Variants in CES5A observed in about 807,000 individuals in gnomAD.
CES5A encodes the protein carboxylesterase 5A.
Under a neutral mutation model 62.9 loss-of-function variants are expected in CES5A, and 67 were observed. The ratio of observed to expected loss-of-function variants is 1.07; its 90% CI spans 0.88 to 1.31. The LOEUF is 1.31. CES5A is among the 50% of genes most tolerant of loss of function. The pLI, the probability that CES5A is intolerant of heterozygous loss-of-function variation, is 0.00. For synonymous variants in CES5A, 296 were observed against 280.8 expected, an observed-to-expected ratio of 1.05 and a Z score of -0.54; for missense variants, 748 against 708.5, an observed-to-expected ratio of 1.06 and a Z score of -0.63.
At chr16:55,951,797 A>G (rs1462241522) in intron 1 of CES5A, among the ~76,000 whole-genome samples, 1 of 152,198 alleles carries the variant, frequency 6.6e-6, no homozygotes, top group African/African-American at 2.4e-5. Context: ...CAATACAGAA[A>G]GCAAAAACTG....
upstream of CES5A, among the ~76,000 whole-genome samples, chr16:55,930,173 T>A (rs1312240944): frequency 1.3e-5 from 2 of 151,718 alleles, no homozygotes; most frequent in African/African-American, 4.8e-5. Context: ...TTCCCTGACA[T>A]CCTCCCTCCT....
Position 55,856,429 on chromosome 16 carries a change from A to G in CES5A, c.1073T>C (p.Ile358Thr). 4 of 1,614,042 alleles carry G rather than the reference A, an allele frequency of 2.5e-6. No homozygotes were observed. Among genetic ancestry groups the G allele is most frequent in the Non-Finnish European group, 3.4e-6 (4 of 1,179,994 alleles). The change falls in exon 9 of 13, where the codon ATC (isoleucine) becomes ACC (threonine). Residue 358 changes from isoleucine (I) to threonine (T), a missense_variant. By Grantham distance (89) the Ile-to-Thr change is moderately conservative. Coordinates refer to ENST00000290567, the MANE Select transcript of CES5A (RefSeq NM_001143685.2). ...FLLPMKEAPE[I>T]LSGSNKSLAL... ...AAGGGACTTGTTGGAGCCACTGAGG[A>G]TCTCAGGAGCCTCCTTCTGTGGAGA...
rs189232881 is a variant in CES5A, at chr16:55,948,141, G to A, written c.160+1644C>T. ...GGTTGATTTTGCCCAGGTTGAGGAC[G>A]TGCCTGGGATAAAGAGACACAAGCC... On this transcript the variant is annotated intron_variant, in intron 2 of 13. Transcript: ENST00000521992. Among the ~76,000 whole-genome samples, 93 of 152,236 alleles carry A rather than the reference G, an allele frequency of 6.1e-4. 1 individual carries two copies. Among genetic ancestry groups the A allele is most frequent in the African/African-American group, 2.0e-3 (84 of 41,544 alleles).
At chr16:55,923,365 G>T (rs1228413851) in intron 1 of CES5A, among the ~76,000 whole-genome samples, 1 of 151,520 alleles carries the variant, frequency 6.6e-6, no homozygotes, top group Non-Finnish European at 1.5e-5. Context: ...AATACAAAAA[G>T]ATTATAAGAA....
intron 5 of CES5A, among the ~76,000 whole-genome samples, chr16:55,863,722 C>T (rs2033400338): frequency 6.6e-6 from 1 of 151,548 alleles, no homozygotes; most frequent in African/African-American, 2.4e-5. Flanking sequence ...TAGGTAACCT[C>T]GGACAAGTTG....
intron 1 of CES5A, among the ~76,000 whole-genome samples, chr16:55,910,059 C>A (rs2034078589): frequency 1.3e-5 from 2 of 152,144 alleles, no homozygotes; most frequent in African/African-American, 4.8e-5. Flanking sequence ...GCCCGACATG[C>A]CATTTGGACA....
chr16:55,888,558 G>GTTCCCTTA (rs1237031025), intron 1 of CES5A, among the ~76,000 whole-genome samples: 3 of 152,182 alleles, frequency 2.0e-5, no homozygotes, highest in Non-Finnish European at 4.4e-5. Context: ...CCTGTCTCAT[G>GTTCCCTTA]TTCCCTTATT....
chr16:55,861,488 T>C lies in CES5A; in HGVS notation c.839A>G (p.Asn280Ser). 2.5e-6 allele frequency: 4 copies of C among 1,613,724 alleles called. No individual in the cohort carries two copies. Among genetic ancestry groups the C allele is most frequent in the Non-Finnish European group, 2.5e-6 (3 of 1,179,618 alleles). Residue 280 changes from asparagine to serine, a missense_variant, in exon 7 of 13, where the codon AAC becomes AGC. Physicochemically the swap from Asn to Ser is conservative, Grantham distance 46 (BLOSUM62 1). Coordinates refer to ENST00000290567, the MANE Select transcript of CES5A (RefSeq NM_001143685.2). ...CAGGGCCTCAGAGTCTGACGCATTG[T>C]TACCACAGAAATGTGCAACCACCTG... ...DLQVVAHFCG[N>S]NASDSEALLR...
At chr16:55,945,168 G>T (rs547426014) in intron 2 of CES5A, among the ~76,000 whole-genome samples, 125 of 151,648 alleles carry the variant, frequency 8.2e-4, no homozygotes, top group Non-Finnish European at 1.1e-3. Context: ...ACCTATTAGG[G>T]GTAGGTACAT....
chr16:55,925,307 T>G (rs1431349040), intron 1 of CES5A: 1 of 147,502 alleles, frequency 6.8e-6, no homozygotes, highest in Non-Finnish European at 1.5e-5. Context: ...AAAACAACAA[T>G]GAGATACCAT....
intron 7 of CES5A, among the ~76,000 whole-genome samples, chr16:55,860,015 T>A (rs1201687671): frequency 1.3e-5 from 2 of 152,218 alleles, no homozygotes; most frequent in Non-Finnish European, 2.9e-5. Flanking sequence ...ATAGCTCCCA[T>A]AATTCCCACA....
chr16:55,938,753 AAAAAAAAAAAAAATATATATAT>A (rs1310345400), intron 2 of CES5A, among the ~76,000 whole-genome samples: 1 of 75,828 alleles, frequency 1.3e-5, no homozygotes, highest in Non-Finnish European at 2.5e-5. Flanking sequence ...AAAAAAAAAA[AAAAAAAAAAAAAATATATATAT>A]ATATATATAT....
At chr16:55,904,090 A>G (rs1256229559) in intron 1 of CES5A, among the ~76,000 whole-genome samples, 1 of 152,258 alleles carries the variant, frequency 6.6e-6, no homozygotes, top group Non-Finnish European at 1.5e-5. Context: ...TAGGGAAATC[A>G]GACTACACTT....
At chr16:55,866,189 C>G in intron 4 of CES5A, 73 bp from the exon 5 acceptor site, 1 of 1,492,748 alleles carries the variant, frequency 6.7e-7, no homozygotes, top group Non-Finnish European at 9.0e-7. Context: ...AAGTTCTCAG[C>G]AGAGGCTGTG....
chr16:55,945,694 A>G (rs1300158726), intron 2 of CES5A, among the ~76,000 whole-genome samples: 1 of 152,232 alleles, frequency 6.6e-6, no homozygotes, highest in Non-Finnish European at 1.5e-5. Context: ...CTTTCTTGAA[A>G]GTATGGAATT....
chr16:55,951,020 T>G (rs1397675535), intron 1 of CES5A, among the ~76,000 whole-genome samples: 1 of 139,324 alleles, frequency 7.2e-6, no homozygotes, highest in East Asian at 2.1e-4. Flanking sequence ...GAGAATGGCA[T>G]GAACCTGGGA....
At chr16:55,926,778 T>C (rs1431744404), upstream of CES5A, among the ~76,000 whole-genome samples, 18 of 152,222 alleles carry the variant, frequency 1.2e-4, no homozygotes, top group Admixed American at 7.9e-4. Flanking sequence ...ATTCTTTGGC[T>C]TTCAAGAACG....
chr16:55,906,553 AT>A (rs1339893815), intron 1 of CES5A, among the ~76,000 whole-genome samples: 1 of 152,206 alleles, frequency 6.6e-6, no homozygotes, highest in East Asian at 1.9e-4. Context: ...TTAAATGTTT[AT>A]TTAAAAGAGT....
At chr16:55,880,528 T>C (rs2254462) in intron 1 of CES5A, among the ~76,000 whole-genome samples, 35,795 of 152,076 alleles carry the variant, frequency 0.24, 5,009 homozygotes, top group Non-Finnish European at 0.32. Flanking sequence ...CCTCAGGCTC[T>C]GCTTTCAGGC....
Sources: allele counts gnomAD v4.1 joint callset (sites outside exome capture counted in the v4.1 genomes callset), GRCh38; gene constraint gnomAD v4.1.1; transcripts MANE v1.5; gene names NCBI Gene and HGNC (gene_info 2026-07-23, HGNC 2026-07-21).